The following RYR1 variants were observed in gnomAD, a reference collection of about 807,000 sequenced individuals.
RYR1 encodes ryanodine receptor 1.
In RYR1, 342 loss-of-function variants were observed where a neutral mutation model predicts 583.5. The observed-to-expected ratio is 0.59, with a 90% CI of 0.54 to 0.64. RYR1 has a LOEUF of 0.64. Among genes scored for constraint, RYR1 ranks in the 30% least tolerant of loss-of-function variants. RYR1 has a pLI of 0.00. For missense variants in RYR1, 6,032 were observed against 6,917.2 expected (o/e 0.87, Z 4.54); for synonymous variants, 2,791 against 2,822.5 (o/e 0.99, Z 0.35).
intron 33 of RYR1, among the ~76,000 whole-genome samples, chr19:38,485,368 T>C (rs1969227723): frequency 6.6e-6 from 1 of 152,158 alleles, no homozygotes; most frequent in Non-Finnish European, 1.5e-5. Context: ...GCTGCAGCCT[T>C]CGACACTCGT....
At chr19:38,506,674 A>G (rs1600852093) in intron 56 of RYR1, 128 bp downstream of exon 56, 1 of 1,471,982 alleles carries the variant, frequency 6.8e-7, no homozygotes, top group Non-Finnish European at 9.4e-7. Context: ...GTTTACCACC[A>G]TGGGGTAATG....
chr19:38,558,244 G>C (rs550503616), intron 89 of RYR1, among the ~76,000 whole-genome samples: 1 of 152,238 alleles, frequency 6.6e-6, no homozygotes, highest in South Asian at 2.1e-4. Flanking sequence ...CCAGGAGGTC[G>C]AGGCTATGGC....
At position 38,474,980 on chromosome 19, in the gene RYR1, C is replaced by G. The variant is rs191148421; in HGVS notation, c.4161-338C>G. 4.6e-5 allele frequency among the ~76,000 whole-genome samples: 7 copies of G among 152,216 alleles called. No homozygotes were observed. The East Asian group carries it at 9.6e-4, about 21-fold the overall frequency. On this transcript the variant is annotated intron_variant, in intron 28 of 105. Coordinates refer to ENST00000359596, the MANE Select transcript of RYR1 (RefSeq NM_000540.3). ...TGCCTTGCAGTGTACAAAACAGTGC[C>G]GCACAATGAAGAATTGTCCTTTTCC...
At chr19:38,486,477 G>A (rs1969305183) in intron 34 of RYR1, among the ~76,000 whole-genome samples, 1 of 152,186 alleles carries the variant, frequency 6.6e-6, no homozygotes. Flanking sequence ...CCGAGTAGCG[G>A]GGACTACAGG....
chr19:38,439,194 T>TG (rs557225004), intron 1 of RYR1, among the ~76,000 whole-genome samples: 1,659 of 152,008 alleles, frequency 0.011, 56 homozygotes, highest in African/African-American at 0.038. Context: ...CTATTTTTTT[T>TG]TTTGTTTGTT....
Position 38,565,024 on chromosome 19 carries a change from G to A in RYR1, c.12690G>A (p.Met4230Ile). ...VVNEGGEAEK[M>I]ELFVSFCEDT... ...ACGAGGGCGGCGAGGCTGAGAAGAT[G>A]GAGCTCTTCGTGAGTTTCTGCGAGG... The change falls in exon 91 of 106, where the codon ATG becomes ATA. Residue 4230 changes from methionine (M) to isoleucine (I), a missense_variant. Met to Ile is a conservative substitution (Grantham distance 10). Around this residue, in one of 11 missense-constraint regions of RYR1, gnomAD observed 753 missense variants for 759.6 expected, o/e 0.99. Transcript: ENST00000359596. The surrounding 1 kb of genome is among the most constrained non-coding windows in gnomAD (Gnocchi z 4.7). 2 of 1,588,320 alleles carry A rather than the reference G, an allele frequency of 1.3e-6. No individual in the cohort carries two copies. Among genetic ancestry groups the A allele is most frequent in the Non-Finnish European group, 1.7e-6 (2 of 1,168,092 alleles).
intron 84 of RYR1, among the ~76,000 whole-genome samples, chr19:38,542,107 T>C (rs1024945198): frequency 6.6e-6 from 1 of 150,446 alleles, no homozygotes; most frequent in Non-Finnish European, 1.5e-5. Context: ...GGGACTGTTT[T>C]TTTTTTTTTT....
chr19:38,458,382 T>C, intron 18 of RYR1, 90 bp downstream of exon 18: 1 of 1,358,798 alleles, frequency 7.4e-7, no homozygotes. Flanking sequence ...GTTCTCAGGA[T>C]CCTGACTCCC....
rs1971910238 is a variant in RYR1 at position 38,535,124 on chromosome 19, TC to T, written c.11360-16del. ...TTCCAACTGGGTGGACCATCTTTTT[TC>T]TCCCACTCCCTCCAGGAGAGACAGG... On this transcript the variant is annotated splice_polypyrimidine_tract_variant and intron_variant, in intron 79 of 105. Transcript: ENST00000359596. 12 of 1,612,246 alleles carry T rather than the reference TC, an allele frequency of 7.4e-6. No homozygotes were observed. Among genetic ancestry groups the T allele is most frequent in the Non-Finnish European group, 1.0e-5 (12 of 1,179,854 alleles).
chr19:38,464,278 G>GAAAAAAAAAAAAAAAAAAAA (rs547288253), intron 22 of RYR1, among the ~76,000 whole-genome samples: 1 of 64,224 alleles, frequency 1.6e-5, no homozygotes. Flanking sequence ...CACCGTTTCA[G>GAAAAAAAAAAAAAAAAAAAA]AAAAAAAAAA....
At chr19:38,534,608 G>A in intron 78 of RYR1, 112 bp from the exon 79 acceptor site, 1 of 875,406 alleles carries the variant, frequency 1.1e-6, no homozygotes, top group Admixed American at 2.0e-5. Context: ...CATGGTTGAA[G>A]GAGTGAGTTG....
rs758206000 is a variant in RYR1, at chr19:38,478,500, G to A, written c.4520G>A (p.Arg1507Gln). 1.2e-5 allele frequency: 20 copies of A among 1,613,988 alleles called. No homozygotes were observed. The highest frequency in any genetic ancestry group is 2.7e-5 in the African/African-American group (2 of 74,912). The part of the protein sequence containing the change: ...GDFVSPGQQG[R>Q]ISHTDLVIGC... Reference sequence around the variant, plus strand: ...TTTGTGAGTCCCGGGCAGCAGGGCCGGATCAGCCACACGGACCTTGTCATT... The same window carrying A: ...TTTGTGAGTCCCGGGCAGCAGGGCCAGATCAGCCACACGGACCTTGTCATT... Residue 1507 changes from arginine (R) to glutamine (Q), a missense_variant, in exon 31 of 106, where the codon CGG becomes CAG. This residue lies in a region of RYR1 where 2,627 missense variants were observed against 2,961.3 expected (regional missense o/e 0.89). Coordinates refer to ENST00000359596, the MANE Select transcript of RYR1 (RefSeq NM_000540.3).
rs117500828 is a variant in RYR1, at chr19:38,445,210, C to G, written c.631+533C>G. Among the ~76,000 whole-genome samples, 89 of 106,382 alleles carry G rather than the reference C, an allele frequency of 8.4e-4. 3 individuals are homozygous for G. The East Asian group carries it at 0.023, about 28-fold the overall frequency. The allele number at this position is 106,382 out of a possible 152,430, so 69.8% of individuals were successfully genotyped here. A position where few individuals can be genotyped will look rare whatever the true frequency, so the allele number is the denominator to read the frequency against. Reference sequence around the variant, plus strand: ...GGCAGAGGAGCCTGGGTGACAGAGCCAGACTCTGCCTCAAAAAAAAAAAAA... The same window carrying G: ...GGCAGAGGAGCCTGGGTGACAGAGCGAGACTCTGCCTCAAAAAAAAAAAAA... On this transcript the variant is annotated intron_variant, in intron 7 of 105. Coordinates refer to ENST00000359596, the MANE Select transcript of RYR1 (RefSeq NM_000540.3).
At chr19:38,480,067 T>C (rs1198000860) in intron 31 of RYR1, among the ~76,000 whole-genome samples, 1 of 152,056 alleles carries the variant, frequency 6.6e-6, no homozygotes, top group Non-Finnish European at 1.5e-5. Context: ...AAGAATGGAA[T>C]AGTATAATGA....
intron 3 of RYR1, 51 bp from the exon 4 acceptor site, chr19:38,443,507 C>T: frequency 6.5e-7 from 1 of 1,546,026 alleles, no homozygotes; most frequent in Non-Finnish European, 8.9e-7. Flanking sequence ...TCTTGGGGAT[C>T]TGGAGAGTCC....
At position 38,478,487 on chromosome 19, in the gene RYR1, G is replaced by T. The variant is rs144747878; in HGVS notation, c.4507G>T (p.Gly1503Trp). ...GTGGGGCGGAGACTTTGTGAGTCCC[G>T]GGCAGCAGGGCCGGATCAGCCACAC... The part of the protein sequence containing the change: ...MVWGGDFVSP[G>W]QQGRISHTDL... Residue 1503 changes from glycine to tryptophan, a missense_variant, in exon 31 of 106, where the codon GGG (glycine) becomes TGG (tryptophan). By Grantham distance (184) the Gly-to-Trp change is radical. Transcript: ENST00000359596. 6.2e-7 allele frequency: 1 copy of T among 1,614,092 alleles called. No individual in the cohort carries two copies. The highest frequency in any genetic ancestry group is 8.5e-7 in the Non-Finnish European group (1 of 1,180,038).
chr19:38,585,053 C>A lies in RYR1; in HGVS notation c.14757C>A (p.Ile4919=), dbSNP rs772118920. 1.2e-6 allele frequency: 2 copies of A among 1,614,034 alleles called. No individual in the cohort carries two copies. The highest frequency in any genetic ancestry group is 2.2e-5 in the South Asian group (2 of 91,090). ...AGCTCTACAGGGTGGTCTTCGACAT[C>A]ACCTTCTTCTTCTTCGTCATCGTCA... ...EYELYRVVFD[I]TFFFFVIVIL... The change falls in exon 102 of 106, where the codon ATC becomes ATA. Residue 4919 remains isoleucine, a synonymous_variant. Coordinates refer to ENST00000359596, the MANE Select transcript of RYR1 (RefSeq NM_000540.3).
chr19:38,442,369 C>T lies in RYR1; in HGVS notation c.186C>T (p.Ala62=), dbSNP rs762859884. ...SNAQNVPPDL[A]ICCFVLEQSL... The stretch of plus-strand genomic sequence containing the variant: ...CCCAGAATGTGCCCCCCGATCTGGC[C>T]ATCTGTTGCTTCGTCCTGGAGCAGT... The change falls in exon 3 of 106, where the codon GCC becomes GCT. Residue 62 remains alanine, a synonymous_variant. Coordinates refer to ENST00000359596, the MANE Select transcript of RYR1 (RefSeq NM_000540.3). 6.2e-6 allele frequency: 10 copies of T among 1,613,352 alleles called. No homozygotes were observed. The South Asian group carries it at 7.7e-5, about 12-fold the overall frequency.
intron 83 of RYR1, among the ~76,000 whole-genome samples, chr19:38,537,606 G>T (rs1195222743): frequency 6.6e-6 from 1 of 152,208 alleles, no homozygotes; most frequent in Non-Finnish European, 1.5e-5. Context: ...GGTGACATCA[G>T]AGGGCACTGA....
Sources: allele counts gnomAD v4.1 joint callset (sites outside exome capture counted in the v4.1 genomes callset), GRCh38; gene constraint gnomAD v4.1.1; regional missense constraint gnomAD v4.1.1; non-coding constraint Gnocchi (gnomAD v3.1); transcripts MANE v1.5; gene names NCBI Gene and HGNC (gene_info 2026-07-23, HGNC 2026-07-21).